Variants in RYR1 observed in about 807,000 individuals in gnomAD.
The protein encoded by RYR1 is ryanodine receptor 1.
RYR1 carries 342 observed loss-of-function variants against 583.5 expected under a neutral mutation model. The ratio of observed to expected loss-of-function variants is 0.59; its 90% confidence interval spans 0.54 to 0.64. RYR1 has a LOEUF of 0.64. Ranked by LOEUF, RYR1 falls within the 30% of genes least tolerant of loss-of-function variation. The probability of loss-of-function intolerance (pLI) is 0.00; values close to 1 mark genes in which losing one functional copy is unlikely to be tolerated. For missense variants in RYR1, 6,032 were observed against 6,917.2 expected (o/e 0.87, Z 4.54); for synonymous variants, 2,791 against 2,822.5 (o/e 0.99, Z 0.35).
chr19:38,565,733 A>G lies in RYR1; in HGVS notation c.13399A>G (p.Thr4467Ala). 1 of 1,432,614 alleles carries G rather than the reference A, an allele frequency of 7.0e-7. No individual in the cohort carries two copies. The highest frequency in any genetic ancestry group is 9.1e-7 in the Non-Finnish European group (1 of 1,101,394). The allele number at this position is 1,432,614 out of a possible 1,614,324, so 88.7% of individuals were successfully genotyped here. A position where few individuals can be genotyped will look rare whatever the true frequency, so the allele number is the denominator to read the frequency against. ...GGACACGACGCCTGCGGAACCGCCC[A>G]CACCCGAGGGCTCTCCCATCCTCAA... is the stretch of plus-strand genomic sequence containing the variant. ...MGDTTPAEPP[T>A]PEGSPILKRK... Residue 4467 changes from threonine to alanine, a missense_variant, in exon 91 of 106, where the codon ACA becomes GCA. This residue lies in a region of RYR1 where 753 missense variants were observed against 759.6 expected (regional missense o/e 0.99). Coordinates refer to ENST00000359596, the MANE Select transcript of RYR1 (RefSeq NM_000540.3). The surrounding 1 kb of genome is among the most constrained non-coding windows in gnomAD (Gnocchi z 4.7).
chr19:38,563,519 C>G (rs557745813), intron 90 of RYR1, among the ~76,000 whole-genome samples: 3 of 152,362 alleles, frequency 2.0e-5, no homozygotes, highest in Non-Finnish European at 4.4e-5. Context: ...CCCGCCTCGG[C>G]CTCCCAAAGT....
intron 90 of RYR1, among the ~76,000 whole-genome samples, chr19:38,562,371 C>T (rs563591246): frequency 2.0e-5 from 3 of 152,058 alleles, no homozygotes; most frequent in East Asian, 1.9e-4. Context: ...ACATATGGTT[C>T]CCCTCCCCAT....
intron 76 of RYR1, 31 bp from the exon 77 acceptor site, chr19:38,532,459 G>A (rs1971780124): frequency 1.9e-6 from 3 of 1,613,266 alleles, no homozygotes; most frequent in Non-Finnish European, 2.5e-6. Flanking sequence ...TCTCCACCGG[G>A]TCCTGACCAC....
chr19:38,555,090 C>A (rs1391488476), intron 89 of RYR1, among the ~76,000 whole-genome samples: 1 of 152,000 alleles, frequency 6.6e-6, no homozygotes, highest in Non-Finnish European at 1.5e-5. Context: ...CCCCCGGTAA[C>A]CACTGATCTT....
Position 38,463,403 on chromosome 19 carries a change from G to T in RYR1, c.2578-20G>T. On this transcript the variant is annotated intron_variant, in intron 20 of 105. Coordinates refer to ENST00000359596, the MANE Select transcript of RYR1 (RefSeq NM_000540.3). ...GGGTAGAGGGACCTTGGGGTCTCAAGAACGTCCCTCTGCCTCTAGATTGTC... is the reference window on the plus strand; with the variant it reads ...GGGTAGAGGGACCTTGGGGTCTCAATAACGTCCCTCTGCCTCTAGATTGTC... The T allele has an allele frequency of 6.2e-7, 1 of 1,609,040 alleles. No homozygotes were observed. Among genetic ancestry groups the T allele is most frequent in the South Asian group, 1.1e-5 (1 of 90,646 alleles).
chr19:38,483,429 C>A lies in RYR1; in HGVS notation c.4847C>A (p.Thr1616Lys), dbSNP rs776194441. The A allele has an allele frequency of 2.5e-6, 4 of 1,576,670 alleles. No individual in the cohort carries two copies. The highest frequency in any genetic ancestry group is 2.7e-5 in the African/African-American group (2 of 74,468). Residue 1616 changes from threonine (T) to lysine (K), a missense_variant, in exon 33 of 106, where the codon ACG becomes AAG. Transcript: ENST00000359596. This position sits in a 1 kb window ranked among gnomAD's most constrained non-coding sequence, Gnocchi z 6.3. ...CCCAACCACTTCCTGCAGGTGGAGACGAGGCGTGCCGGCGAGCGGCTGGGC... is the reference window on the plus strand; with the variant it reads ...CCCAACCACTTCCTGCAGGTGGAGAAGAGGCGTGCCGGCGAGCGGCTGGGC... ...RMPNHFLQVE[T>K]RRAGERLGWA... is the part of the protein sequence containing the mutation.
Position 38,458,051 on chromosome 19 carries a change from C to T in RYR1, c.1926C>T (p.Ser642=). ...LQTNLINYVT[S]IRPNIFVGRA... is the part of the protein sequence containing the mutation. Reference sequence around the variant, plus strand: ...CTCTCCTGTCCCATCTCTCCTGCAGCATCCGCCCCAACATCTTTGTGGGCC... The same window carrying T: ...CTCTCCTGTCCCATCTCTCCTGCAGTATCCGCCCCAACATCTTTGTGGGCC... Residue 642 remains serine (S), a splice_region_variant and synonymous_variant, in exon 18 of 106, where the codon AGC becomes AGT. Transcript: ENST00000359596. 1 of 1,613,484 alleles carries T rather than the reference C, an allele frequency of 6.2e-7. No individual in the cohort carries two copies. The highest frequency in any genetic ancestry group is 8.5e-7 in the Non-Finnish European group (1 of 1,180,012).
intron 97 of RYR1, among the ~76,000 whole-genome samples, chr19:38,577,702 A>G (rs980442738): frequency 6.6e-6 from 1 of 152,082 alleles, no homozygotes; most frequent in African/African-American, 2.4e-5. Flanking sequence ...TGGCTGAGGC[A>G]GGAGAATCGC....
At chr19:38,493,766 C>T (rs1000940323) in intron 38 of RYR1, among the ~76,000 whole-genome samples, 3 of 152,006 alleles carry the variant, frequency 2.0e-5, no homozygotes, top group South Asian at 2.1e-4. Context: ...GTGATCCACC[C>T]GCCTCAGCCT....
chr19:38,521,129 A>G (rs1971210087), intron 67 of RYR1, among the ~76,000 whole-genome samples: 1 of 151,832 alleles, frequency 6.6e-6, no homozygotes, highest in Non-Finnish European at 1.5e-5. Context: ...GAAAAGAAAT[A>G]CAAAAATTAG....
chr19:38,563,188 C>G (rs1464634037), intron 90 of RYR1, among the ~76,000 whole-genome samples: 1 of 152,256 alleles, frequency 6.6e-6, no homozygotes, highest in Non-Finnish European at 1.5e-5. Context: ...ATTCCACTTT[C>G]CCCTGCTTCT....
At chr19:38,464,769 G>C (rs946262184) in intron 23 of RYR1, 47 bp downstream of exon 23, 29 of 1,520,242 alleles carry the variant, frequency 1.9e-5, no homozygotes, top group Non-Finnish European at 2.5e-5. Flanking sequence ...CTGGGGGCTG[G>C]GGATGCTGTG....
chr19:38,498,427 AG>A (rs1360315737), intron 42 of RYR1, among the ~76,000 whole-genome samples: 2 of 152,150 alleles, frequency 1.3e-5, no homozygotes, highest in Non-Finnish European at 2.9e-5. Flanking sequence ...GAACCGCTAC[AG>A]GAAAGGGGTC....
intron 65 of RYR1, among the ~76,000 whole-genome samples, chr19:38,516,593 C>A (rs1031316807): frequency 6.6e-6 from 1 of 152,066 alleles, no homozygotes; most frequent in Non-Finnish European, 1.5e-5. Context: ...AGCAAAACCC[C>A]ATCCATGGAA....
In RYR1 at chr19:38,485,879, C is replaced by T. The variant is rs1382912546; in HGVS notation, c.5224C>T (p.Arg1742Cys). Residue 1742 changes from arginine to cysteine, a missense_variant, in exon 34 of 106, where the codon CGC (arginine) becomes TGC (cysteine). Transcript: ENST00000359596. The stretch of plus-strand genomic sequence containing the variant: ...CATCGTGCCCCTCACGCCTGAGACC[C>T]GCGCCATCACGCTCTTCCCTCCTGG... The part of the protein sequence containing the change: ...EYIVPLTPET[R>C]AITLFPPGRS... 3 of 1,613,800 alleles carry T rather than the reference C, an allele frequency of 1.9e-6. No individual in the cohort carries two copies. Among genetic ancestry groups the T allele is most frequent in the South Asian group, 1.1e-5 (1 of 91,090 alleles).
Position 38,565,022 on chromosome 19 carries a change from A to G in RYR1, c.12688A>G (p.Met4230Val), listed in dbSNP as rs767810667. Residue 4230 changes from methionine (M) to valine (V), a missense_variant, in exon 91 of 106, where the codon ATG becomes GTG. Physicochemically the swap from Met to Val is conservative, Grantham distance 21 (BLOSUM62 1). Coordinates refer to ENST00000359596, the MANE Select transcript of RYR1 (RefSeq NM_000540.3). This position sits in a 1 kb window ranked among gnomAD's most constrained non-coding sequence, Gnocchi z 4.7. ...VVNEGGEAEKMELFVSFCEDT... is the reference protein window; with the variant it reads ...VVNEGGEAEKVELFVSFCEDT... ...GAACGAGGGCGGCGAGGCTGAGAAG[A>G]TGGAGCTCTTCGTGAGTTTCTGCGA... The G allele has an allele frequency of 6.3e-7, 1 of 1,589,816 alleles. No individual in the cohort carries two copies. The highest frequency in any genetic ancestry group is 8.6e-7 in the Non-Finnish European group (1 of 1,168,838).
intron 89 of RYR1, among the ~76,000 whole-genome samples, chr19:38,558,943 A>C (rs1197512407): frequency 6.6e-6 from 1 of 151,910 alleles, no homozygotes; most frequent in Admixed American, 6.6e-5. Context: ...ATACAGAATT[A>C]GCCAGTGTGG....
At chr19:38,579,424 CAAA>C (rs556139705) in intron 99 of RYR1, among the ~76,000 whole-genome samples, 10 of 110,760 alleles carry the variant, frequency 9.0e-5, no homozygotes, top group Admixed American at 9.3e-5. Context: ...GACTCCATCT[CAAA>C]AAAAAAAAAA....
chr19:38,465,764 C>CA lies in RYR1; in HGVS notation c.2871-317dup, dbSNP rs542272790. Among the ~76,000 whole-genome samples, 230 of 144,458 alleles carry CA rather than the reference C, an allele frequency of 1.6e-3. 2 individuals are homozygous for CA. Among genetic ancestry groups the CA allele is most frequent in the South Asian group, 4.6e-3 (21 of 4,582 alleles). 94.8% of individuals were successfully genotyped at this position (144,458 alleles called of 152,430 possible). On this transcript the variant is annotated intron_variant, in intron 23 of 105. Coordinates refer to ENST00000359596, the MANE Select transcript of RYR1 (RefSeq NM_000540.3). ...GGGCAACAAGAGTGAAACTCCGTAT[C>CA]AAAAAAAAAACAAAGAGAGAGAAAA...
Sources: allele counts gnomAD v4.1 joint callset (sites outside exome capture counted in the v4.1 genomes callset), GRCh38; gene constraint gnomAD v4.1.1; regional missense constraint gnomAD v4.1.1; non-coding constraint Gnocchi (gnomAD v3.1); transcripts MANE v1.5; gene names NCBI Gene and HGNC (gene_info 2026-07-23, HGNC 2026-07-21).